Variants in TENM2 observed in about 807,000 individuals in gnomAD.
TENM2 encodes teneurin-2.
TENM2 carries 52 observed loss-of-function variants against 245.2 expected under a neutral mutation model. The observed-to-expected ratio is 0.21, with a 90% CI of 0.17 to 0.27. The LOEUF is 0.27. Among genes scored for constraint, TENM2 ranks in the 10% least tolerant of loss-of-function variants. TENM2 has a pLI of 1.00. For synonymous variants in TENM2, 1,363 were observed against 1,438.9 expected, an observed-to-expected ratio of 0.95 and a Z score of 1.19; for missense variants, 3,046 against 3,666.8, an observed-to-expected ratio of 0.83 and a Z score of 4.37.
At chr5:167,916,937 A>G (rs1262579320) in intron 3 of TENM2, among the ~76,000 whole-genome samples, 1 of 152,038 alleles carries the variant, frequency 6.6e-6, no homozygotes, top group Admixed American at 6.5e-5. Flanking sequence ...TTAAGCAGGG[A>G]GCTGCTTTGG....
intron 4 of TENM2, among the ~76,000 whole-genome samples, chr5:167,981,136 C>A (rs1407507350): frequency 6.6e-6 from 1 of 152,214 alleles, no homozygotes; most frequent in Admixed American, 6.5e-5. Flanking sequence ...CTCAGCAGAG[C>A]CATCCCTGCT....
At position 167,577,612 on chromosome 5, in the gene TENM2, G is replaced by A. The variant is rs190813126; in HGVS notation, c.502+202139G>A. ...CATTTTTTTTTGTACTTGACCCATAGTGGTTTTTTTCTTCTTCTGTCTTTA... is the reference window on the plus strand; with the variant it reads ...CATTTTTTTTTGTACTTGACCCATAATGGTTTTTTTCTTCTTCTGTCTTTA... On this transcript the variant is annotated intron_variant, in intron 2 of 28. Transcript: ENST00000518659. Among the ~76,000 whole-genome samples, 381 of 152,146 alleles carry A rather than the reference G, an allele frequency of 2.5e-3. 1 individual carries two copies. The highest frequency in any genetic ancestry group is 8.1e-3 in the African/African-American group (336 of 41,494).
intron 2 of TENM2, among the ~76,000 whole-genome samples, chr5:167,820,379 G>A (rs1195544641): frequency 6.6e-6 from 1 of 152,222 alleles, no homozygotes. Context: ...CAGGCTTGCT[G>A]AGGAATGCTG....
chr5:167,761,013 A>C (rs1762628705), intron 2 of TENM2, among the ~76,000 whole-genome samples: 1 of 151,996 alleles, frequency 6.6e-6, no homozygotes, highest in Non-Finnish European at 1.5e-5. Context: ...GACCCACTAA[A>C]TGTCTCTGTG....
intron 13 of TENM2, among the ~76,000 whole-genome samples, chr5:168,178,067 C>G (rs1192368055): frequency 6.6e-6 from 1 of 152,136 alleles, no homozygotes; most frequent in East Asian, 1.9e-4. Context: ...CATCATGCGC[C>G]CCTACTAATC....
At chr5:167,366,260 C>G (rs1330305920) in intron 1 of TENM2, among the ~76,000 whole-genome samples, 1 of 151,910 alleles carries the variant, frequency 6.6e-6, no homozygotes, top group Non-Finnish European at 1.5e-5. Flanking sequence ...TTTATGTCAA[C>G]CTATTTGAAA....
intron 5 of TENM2, among the ~76,000 whole-genome samples, chr5:168,020,999 T>C (rs769086176): frequency 1.3e-5 from 2 of 152,206 alleles, no homozygotes; most frequent in Non-Finnish European, 2.9e-5. Context: ...CTCAGAATTG[T>C]CTCACAAGCA....
At chr5:167,015,639 T>C in the TENM2 span, among the ~76,000 whole-genome samples, 1 of 152,230 alleles carries the variant, frequency 6.6e-6, no homozygotes, top group Non-Finnish European at 1.5e-5. Flanking sequence ...TTACAAATTA[T>C]AGTTTGTTTG....
At position 168,218,788 on chromosome 5, in the gene TENM2, G is replaced by A; in HGVS notation, c.4897G>A (p.Gly1633Arg). The change falls in exon 23 of 29, where the codon GGG becomes AGG. Residue 1633 changes from glycine to arginine, a missense_variant. By Grantham distance (125) the Gly-to-Arg change is moderately radical. This residue lies in a region of TENM2 where 2,704 missense variants were observed against 3,331.9 expected (regional missense o/e 0.81). Coordinates refer to ENST00000518659, the Ensembl canonical transcript of TENM2. This position sits in a 1 kb window ranked among gnomAD's most constrained non-coding sequence, Gnocchi z 5.2. ...TGTCACTGAATTGATTGACAATAATGGGAATTCCCTGAAGATCCGTCGGGA... is the reference window on the plus strand; with the variant it reads ...TGTCACTGAATTGATTGACAATAATAGGAATTCCCTGAAGATCCGTCGGGA... 3 of 1,613,944 alleles carry A rather than the reference G, an allele frequency of 1.9e-6. No homozygotes were observed. The South Asian group carries it at 3.3e-5, about 18-fold the overall frequency.
chr5:167,925,347 T>C (rs536586665), intron 3 of TENM2, among the ~76,000 whole-genome samples: 2 of 152,326 alleles, frequency 1.3e-5, no homozygotes, highest in East Asian at 3.9e-4. Flanking sequence ...ATAGAAATCA[T>C]GGGTGTGACC....
intron 25 of TENM2, among the ~76,000 whole-genome samples, chr5:168,241,761 G>A (rs934014585): frequency 1.3e-5 from 2 of 152,238 alleles, no homozygotes; most frequent in African/African-American, 4.8e-5. Flanking sequence ...AGTGAAAATG[G>A]GATCAGGTAT....
At chr5:167,067,227 G>T in the TENM2 span, among the ~76,000 whole-genome samples, 1 of 152,202 alleles carries the variant, frequency 6.6e-6, no homozygotes, top group African/African-American at 2.4e-5. Context: ...AGCAAAATAA[G>T]ATTTGAACCT....
the TENM2 span, among the ~76,000 whole-genome samples, chr5:166,983,169 A>G: frequency 6.6e-5 from 10 of 152,220 alleles, no homozygotes; most frequent in South Asian, 2.1e-3. Flanking sequence ...TCCTGCTCAT[A>G]TTTCCAAAAG....
intron 25 of TENM2, among the ~76,000 whole-genome samples, chr5:168,233,981 C>T (rs972356815): frequency 2.0e-5 from 3 of 152,118 alleles, no homozygotes; most frequent in African/African-American, 7.2e-5. Flanking sequence ...CATGGGAATT[C>T]TAGGAGATAC....
chr5:167,876,200 G>A lies in TENM2; in HGVS notation c.712+5G>A. On this transcript the variant is annotated splice_donor_5th_base_variant and intron_variant, in intron 3 of 28. Transcript: ENST00000518659. ...CCCAGCAAGCCTCCAGCAGTGGTAA[G>A]GAAACTCCGTGGTGTCTGAATGTGT... 1 of 1,548,442 alleles carries A rather than the reference G, an allele frequency of 6.5e-7. No individual in the cohort carries two copies. Among genetic ancestry groups the A allele is most frequent in the Non-Finnish European group, 8.7e-7 (1 of 1,144,194 alleles).
At chr5:168,027,443 G>A (rs913578840) in intron 5 of TENM2, among the ~76,000 whole-genome samples, 3 of 152,168 alleles carry the variant, frequency 2.0e-5, no homozygotes, top group Admixed American at 6.5e-5. Context: ...GCAGACTGGA[G>A]TACACAAAGA....
At chr5:167,743,237 G>A (rs1166781649) in intron 2 of TENM2, among the ~76,000 whole-genome samples, 1 of 152,134 alleles carries the variant, frequency 6.6e-6, no homozygotes, top group Non-Finnish European at 1.5e-5. Context: ...GCCAGTTAAT[G>A]CATAATGTCT....
At chr5:167,360,973 A>G (rs1759677791) in intron 1 of TENM2, among the ~76,000 whole-genome samples, 1 of 152,174 alleles carries the variant, frequency 6.6e-6, no homozygotes, top group Non-Finnish European at 1.5e-5. Flanking sequence ...TATATCAGTC[A>G]TATTGTGATT....
chr5:167,158,784 A>G, the TENM2 span, among the ~76,000 whole-genome samples: 1 of 151,770 alleles, frequency 6.6e-6, no homozygotes, highest in African/African-American at 2.4e-5. Context: ...AGTACCATCC[A>G]CTGGGACTAG....
Sources: allele counts gnomAD v4.1 joint callset (sites outside exome capture counted in the v4.1 genomes callset), GRCh38; gene constraint gnomAD v4.1.1; regional missense constraint gnomAD v4.1.1; non-coding constraint Gnocchi (gnomAD v3.1); transcripts MANE v1.5; gene names NCBI Gene and HGNC (gene_info 2026-07-23, HGNC 2026-07-21).